The following FAAH2 variants were observed in gnomAD, a reference collection of about 807,000 sequenced individuals.
The protein encoded by FAAH2 is fatty-acid amide hydrolase 2.
FAAH2 carries 60 observed loss-of-function variants against 36.9 expected under a neutral mutation model. The ratio of observed to expected loss-of-function variants is 1.63; its 90% CI spans 1.32 to 2.02. The LOEUF (loss-of-function observed/expected upper bound fraction) is 2.02. FAAH2 is among the 30% of genes most tolerant of loss of function. The pLI, the probability that FAAH2 is intolerant of heterozygous loss-of-function variation, is 0.00. For synonymous variants in FAAH2, 214 were observed against 143.8 expected (o/e 1.49, Z -3.49); for missense variants, 689 against 397.5 (o/e 1.73, Z -6.23).
chrX:57,390,985 C>T (rs749369121), intron 7 of FAAH2, among the ~76,000 whole-genome samples: 2 of 111,282 alleles, frequency 1.8e-5, no homozygotes, highest in Non-Finnish European at 3.8e-5. Flanking sequence ...TCGCCAACAA[C>T]TGTTATTTTT....
chrX:57,420,647 A>C (rs1358202474), intron 7 of FAAH2, among the ~76,000 whole-genome samples: 2 of 109,125 alleles, frequency 1.8e-5, no homozygotes, highest in African/African-American at 6.7e-5. Flanking sequence ...TTCTAGATAT[A>C]CAATCATGTC....
Position 57,310,623 on chromosome X carries a change from T to A in FAAH2, c.306T>A (p.Ala102=). Reference sequence around the variant, plus strand: ...AGGAAGCGATGAAGGAGGCTCATGCTGTAGATCAAAAGCTTGCAGAGAAGC... The same window carrying A: ...AGGAAGCGATGAAGGAGGCTCATGCAGTAGATCAAAAGCTTGCAGAGAAGC... ...RFEEAMKEAH[A]VDQKLAEKQE... Residue 102 remains alanine (A), a synonymous_variant, in exon 3 of 11, where the codon GCT becomes GCA. Coordinates refer to ENST00000374900, the MANE Select transcript of FAAH2 (RefSeq NM_174912.4). 8.3e-7 allele frequency: 1 copy of A among 1,209,646 alleles called. No individual in the cohort carries two copies. The highest frequency in any genetic ancestry group is 1.1e-6 in the Non-Finnish European group (1 of 894,581).
chrX:57,191,384 T>TTA, the FAAH2 span, among the ~76,000 whole-genome samples: 1 of 111,895 alleles, frequency 8.9e-6, no homozygotes, highest in Non-Finnish European at 1.9e-5. Context: ...ATATTGTGAT[T>TTA]ATTAATCCCT....
At chrX:57,316,794 C>G (rs1363034181) in intron 3 of FAAH2, among the ~76,000 whole-genome samples, 3 of 110,556 alleles carry the variant, frequency 2.7e-5, no homozygotes, top group Non-Finnish European at 5.7e-5. Context: ...TAAGAAATAC[C>G]CTTCTCTATA....
At chrX:57,223,244 G>A in the FAAH2 span, among the ~76,000 whole-genome samples, 2 of 111,515 alleles carry the variant, frequency 1.8e-5, no homozygotes, top group African/African-American at 6.5e-5. Context: ...GCTGGAAATA[G>A]GCTAGCAGAT....
chrX:57,366,569 G>C (rs2054422386), intron 5 of FAAH2, among the ~76,000 whole-genome samples: 1 of 112,497 alleles, frequency 8.9e-6, no homozygotes, highest in Admixed American at 9.4e-5. Context: ...GCAGGGTGGT[G>C]TGTTTTCCAT....
chrX:57,242,602 T>C, the FAAH2 span, among the ~76,000 whole-genome samples: 1 of 111,255 alleles, frequency 9.0e-6, no homozygotes, highest in Non-Finnish European at 1.9e-5. Context: ...ATGCAGCCCA[T>C]GGAGGGTGAG....
intron 5 of FAAH2, among the ~76,000 whole-genome samples, chrX:57,377,150 A>G (rs2054704282): frequency 9.0e-6 from 1 of 111,571 alleles, no homozygotes; most frequent in Non-Finnish European, 1.9e-5. Flanking sequence ...AAGCTCTTTA[A>G]TTAGATCCCA....
chrX:57,423,318 G>C (rs2056082116), intron 7 of FAAH2, among the ~76,000 whole-genome samples: 2 of 111,881 alleles, frequency 1.8e-5, no homozygotes, highest in Admixed American at 1.9e-4. Flanking sequence ...AGAACTGAGA[G>C]GTGAGTGTGG....
the FAAH2 span, among the ~76,000 whole-genome samples, chrX:57,274,083 C>T: frequency 1.1e-4 from 12 of 111,617 alleles, no homozygotes; most frequent in African/African-American, 3.3e-4. Flanking sequence ...GGGGATATCA[C>T]CACTGATCCC....
chrX:57,200,669 G>A, the FAAH2 span, among the ~76,000 whole-genome samples: 112 of 111,550 alleles, frequency 1.0e-3, no homozygotes, highest in Middle Eastern at 4.6e-3. Flanking sequence ...GAGCCACTGC[G>A]CCCAGCCTCA....
chrX:57,170,525 G>T, the FAAH2 span, among the ~76,000 whole-genome samples: 2 of 111,203 alleles, frequency 1.8e-5, no homozygotes, highest in Non-Finnish European at 1.9e-5. Context: ...GGATTTTAGT[G>T]CACCTGTCAC....
chrX:57,389,914 C>T (rs1251540871), intron 7 of FAAH2, among the ~76,000 whole-genome samples: 3 of 109,700 alleles, frequency 2.7e-5, no homozygotes, highest in African/African-American at 9.9e-5. Flanking sequence ...CTCATCTTGG[C>T]TTTGGTGTGC....
chrX:57,481,741 C>T (rs745624179), intron 10 of FAAH2, among the ~76,000 whole-genome samples: 6 of 112,206 alleles, frequency 5.3e-5, no homozygotes, highest in Admixed American at 9.4e-5. Context: ...AGGTGGCATT[C>T]GGTCCCTTGG....
chrX:57,257,386 C>T, the FAAH2 span, among the ~76,000 whole-genome samples: 4 of 111,522 alleles, frequency 3.6e-5, no homozygotes, highest in Non-Finnish European at 5.6e-5. Flanking sequence ...TGTTCATGTC[C>T]TTTGCAGGGA....
At chrX:57,478,223 A>AT (rs745588666) in intron 10 of FAAH2, among the ~76,000 whole-genome samples, 20 of 111,799 alleles carry the variant, frequency 1.8e-4, no homozygotes, top group African/African-American at 5.9e-4. Flanking sequence ...TTTGATATGC[A>AT]TTTCTCTGAT....
the FAAH2 span, among the ~76,000 whole-genome samples, chrX:57,202,755 G>C: frequency 3.6e-5 from 4 of 112,146 alleles, no homozygotes; most frequent in African/African-American, 1.3e-4. Flanking sequence ...GGGAAAGTCT[G>C]TAGATGTCAT....
intron 4 of FAAH2, among the ~76,000 whole-genome samples, chrX:57,333,431 T>A (rs761664637): frequency 3.3e-4 from 37 of 111,652 alleles, no homozygotes; most frequent in Non-Finnish European, 5.8e-4. Flanking sequence ...ACCATCAAGA[T>A]TTGACTCCAA....
intron 2 of FAAH2, among the ~76,000 whole-genome samples, chrX:57,302,339 A>G (rs1271526721): frequency 8.9e-6 from 1 of 112,167 alleles, no homozygotes; most frequent in Non-Finnish European, 1.9e-5. Flanking sequence ...ATGGATTTAA[A>G]TGCTTGAAAA....
Sources: gnomAD v4.1 joint callset for allele counts (sites outside exome capture counted in the v4.1 genomes callset) on GRCh38, gnomAD v4.1.1 for gene constraint, MANE v1.5 for transcripts, NCBI Gene and HGNC (gene_info 2026-07-23, HGNC 2026-07-21) for gene names.